The following DLGAP2 variants were observed in gnomAD, a reference collection of about 807,000 sequenced individuals.
DLGAP2 encodes the protein DLG associated protein 2, also known as disks large-associated protein 2.
A neutral mutation model predicts 100.3 loss-of-function variants in DLGAP2; 26 were observed. The ratio of observed to expected loss-of-function variants is 0.26; its 90% CI spans 0.19 to 0.36. The LOEUF is 0.36. DLGAP2 is among the 10% of genes least tolerant of loss of function. The pLI is 1.00. For synonymous variants in DLGAP2, 886 were observed against 630.1 expected, an observed-to-expected ratio of 1.41 and a Z score of -6.08; for missense variants, 1,858 against 1,453.2, an observed-to-expected ratio of 1.28 and a Z score of -4.53.
In DLGAP2 at chr8:1,704,237, G is replaced by C. The variant is rs1162339498; in HGVS notation, c.*2831G>C. 1 of 152,282 alleles carries C rather than the reference G, an allele frequency of 6.6e-6. No individual in the cohort carries two copies. Among genetic ancestry groups the C allele is most frequent in the Admixed American group, 6.5e-5 (1 of 15,274 alleles). 9.4% of individuals were successfully genotyped at this position (152,282 alleles called of 1,614,324 possible). On this transcript the variant is annotated 3_prime_UTR_variant, in exon 15 of 15. Transcript: ENST00000637795. ...AAGAAAAGAGTAAACATCCATTGGA[G>C]AACACGGCTGAAAATTATTGTGCTG...
At chr8:1,423,163 G>A (rs1379226651) in intron 3 of DLGAP2, among the ~76,000 whole-genome samples, 5 of 152,140 alleles carry the variant, frequency 3.3e-5, no homozygotes, top group Admixed American at 3.3e-4. Flanking sequence ...AAGCCTAGGT[G>A]GCAAGTTAAT....
chr8:839,307 G>A (rs1171525466), intron 1 of DLGAP2, among the ~76,000 whole-genome samples: 1 of 152,186 alleles, frequency 6.6e-6, no homozygotes, highest in African/African-American at 2.4e-5. Context: ...ATTATTTATA[G>A]TAGCCAAGAT....
chr8:1,178,124 C>T lies in DLGAP2; in HGVS notation c.74-80727C>T, dbSNP rs114940832. On this transcript the variant is annotated intron_variant, in intron 2 of 14. Coordinates refer to ENST00000637795, the MANE Select transcript of DLGAP2 (RefSeq NM_001346810.2). ...AGAGTCATTACCCCAGAATCCAAGG[C>T]CTTGGAGAGAACTAGGGACCCCCGG... is the stretch of plus-strand genomic sequence containing the variant. Among the ~76,000 whole-genome samples, 1,247 of 152,248 alleles carry T rather than the reference C, an allele frequency of 8.2e-3. 13 individuals are homozygous for T. Among genetic ancestry groups the T allele is most frequent in the African/African-American group, 0.029 (1,212 of 41,522 alleles).
intron 2 of DLGAP2, chr8:1,248,769 G>A (rs1798972286): frequency 6.6e-6 from 1 of 152,658 alleles, no homozygotes; most frequent in African/African-American, 2.4e-5. Flanking sequence ...TCACTGTGCG[G>A]AGAAAGGTGA....
intron 3 of DLGAP2, among the ~76,000 whole-genome samples, chr8:1,497,600 C>T (rs909153542): frequency 1.3e-5 from 2 of 152,178 alleles, no homozygotes; most frequent in East Asian, 1.9e-4. Flanking sequence ...TTTCTGAGGT[C>T]GCTGAGATGG....
intron 2 of DLGAP2, among the ~76,000 whole-genome samples, chr8:1,040,202 G>A (rs190474900): frequency 3.5e-4 from 48 of 139,120 alleles, no homozygotes; most frequent in African/African-American, 1.1e-3. Context: ...CTCAGTGTGC[G>A]TGGTCAGCTC....
chr8:1,588,414 C>T (rs1463733675), intron 6 of DLGAP2, among the ~76,000 whole-genome samples: 2 of 152,190 alleles, frequency 1.3e-5, no homozygotes, highest in Non-Finnish European at 2.9e-5. Flanking sequence ...TTTTACTAAA[C>T]AGCTCATCTT....
intron 2 of DLGAP2, among the ~76,000 whole-genome samples, chr8:1,142,161 A>T (rs1164878760): frequency 6.6e-6 from 1 of 151,814 alleles, no homozygotes; most frequent in Admixed American, 6.6e-5. Context: ...TTATTTAAGG[A>T]TTTGAAGATC....
chr8:1,368,055 C>A (rs779656522), intron 3 of DLGAP2, among the ~76,000 whole-genome samples: 1 of 152,192 alleles, frequency 6.6e-6, no homozygotes, highest in Non-Finnish European at 1.5e-5. Flanking sequence ...CACATTTTAA[C>A]GTGCATACCT....
intron 3 of DLGAP2, among the ~76,000 whole-genome samples, chr8:1,265,586 C>G (rs924888654): frequency 1.3e-5 from 2 of 152,198 alleles, no homozygotes; most frequent in African/African-American, 2.4e-5. Context: ...AAGAAATATA[C>G]TGGGCCTCTT....
At chr8:985,152 A>G (rs890331024) in intron 2 of DLGAP2, among the ~76,000 whole-genome samples, 2 of 152,204 alleles carry the variant, frequency 1.3e-5, no homozygotes, top group Admixed American at 6.5e-5. Context: ...TCCCTGGCTG[A>G]GCATGGTTGT....
chr8:1,272,442 GTATC>G (rs1319567305), intron 3 of DLGAP2, among the ~76,000 whole-genome samples: 1 of 151,504 alleles, frequency 6.6e-6, no homozygotes, highest in Non-Finnish European at 1.5e-5. Flanking sequence ...AGTTATGTAC[GTATC>G]TATATTAAAC....
At position 1,701,481 on chromosome 8, in the gene DLGAP2, G is replaced by T; in HGVS notation, c.*75G>T. 1.4e-6 allele frequency: 2 copies of T among 1,430,626 alleles called. No individual in the cohort carries two copies. The highest frequency in any genetic ancestry group is 9.4e-7 in the Non-Finnish European group (1 of 1,065,324). The allele number at this position is 1,430,626 out of a possible 1,614,324, so 88.6% of individuals were successfully genotyped here. A position where few individuals can be genotyped will look rare whatever the true frequency, so the allele number is the denominator to read the frequency against. On this transcript the variant is annotated 3_prime_UTR_variant, in exon 15 of 15. Transcript: ENST00000637795. ...TGTGCAGCGCGGCGCCGCCCTGGTG[G>T]TTTCTGTCTCCTCCTCCCGCTGAAC...
intron 2 of DLGAP2, among the ~76,000 whole-genome samples, chr8:1,211,864 G>A (rs528974507): frequency 6.6e-6 from 1 of 152,332 alleles, no homozygotes; most frequent in East Asian, 1.9e-4. Flanking sequence ...GACAGAGCGA[G>A]ACTTCGTCTC....
intron 2 of DLGAP2, among the ~76,000 whole-genome samples, chr8:1,190,817 G>A (rs1296015218): frequency 2.6e-5 from 4 of 151,962 alleles, no homozygotes; most frequent in African/African-American, 4.8e-5. Flanking sequence ...GGTCTGTAGG[G>A]GGCAGACCCA....
chr8:1,135,503 G>GTTTTTTTTTTT (rs3080806), intron 2 of DLGAP2, among the ~76,000 whole-genome samples: 25 of 92,188 alleles, frequency 2.7e-4, no homozygotes, highest in East Asian at 7.6e-4. Flanking sequence ...TTTTTTGTGG[G>GTTTTTTTTTTT]TTTTTTTTTT....
intron 2 of DLGAP2, among the ~76,000 whole-genome samples, chr8:1,093,171 C>G (rs1025776016): frequency 6.6e-6 from 1 of 152,220 alleles, no homozygotes; most frequent in East Asian, 1.9e-4. Flanking sequence ...ATCTCCTTCA[C>G]CCACAGTCCA....
chr8:1,534,140 G>A (rs1035652949), intron 4 of DLGAP2, among the ~76,000 whole-genome samples: 6 of 152,238 alleles, frequency 3.9e-5, no homozygotes, highest in Non-Finnish European at 5.9e-5. Flanking sequence ...CCGTATAAAA[G>A]GTAAAAGAGA....
intron 1 of DLGAP2, among the ~76,000 whole-genome samples, chr8:826,603 C>T (rs1328794579): frequency 2.0e-5 from 3 of 151,858 alleles, no homozygotes; most frequent in Non-Finnish European, 4.4e-5. Context: ...TTTTGCTGAG[C>T]AGAATTAGCT....
Sources: gnomAD v4.1 joint callset for allele counts (sites outside exome capture counted in the v4.1 genomes callset) on GRCh38, gnomAD v4.1.1 for gene constraint, MANE v1.5 for transcripts, NCBI Gene and HGNC (gene_info 2026-07-23, HGNC 2026-07-21) for gene names.